ATF6B: variants seen among roughly 807,000 people sequenced by gnomAD.
ATF6B encodes activating transcription factor 6 beta.
In ATF6B, 50 loss-of-function variants were observed where a neutral mutation model predicts 83.5. That is an observed-to-expected ratio of 0.60 (90% CI 0.48 to 0.76). The LOEUF is 0.76. Ranked by LOEUF, ATF6B falls within the 30% of genes least tolerant of loss-of-function variation. The pLI, the probability that ATF6B is intolerant of heterozygous loss-of-function variation, is 0.00. For missense variants in ATF6B, 790 were observed against 893.8 expected, an observed-to-expected ratio of 0.88 and a Z score of 1.48; for synonymous variants, 344 against 362.8, an observed-to-expected ratio of 0.95 and a Z score of 0.59.
At position 32,118,967 on chromosome 6, in the gene ATF6B, G is replaced by A. The variant is rs1781643095; in HGVS notation, c.1141C>T (p.Leu381=). The A allele has an allele frequency of 3.1e-6, 5 of 1,614,014 alleles. No homozygotes were observed. Among genetic ancestry groups the A allele is most frequent in the Non-Finnish European group, 4.2e-6 (5 of 1,179,878 alleles). ...CAGACTGGTCTTACTTCAGCCAGCA[G>A]GGCCTCCAGCCGCCGCCGGAGGGCA... The part of the protein sequence containing the change: ...NAALRRRLEA[L]LAENSELKLG... The change falls in exon 10 of 18, where the codon CTG becomes TTG. Residue 381 remains leucine, a synonymous_variant. Coordinates refer to ENST00000375203, the MANE Select transcript of ATF6B (RefSeq NM_004381.5). The surrounding 1 kb of genome is among the most constrained non-coding windows in gnomAD (Gnocchi z 5.2).
In ATF6B at chr6:32,120,503, T is replaced by C. The variant is rs1254094537; in HGVS notation, c.832+268A>G. 2.8e-5 allele frequency: 8 copies of C among 282,232 alleles called. No individual in the cohort carries two copies. In the East Asian group the frequency reaches 4.9e-4, roughly 17 times the overall value. 17.5% of individuals were successfully genotyped at this position (282,232 alleles called of 1,614,324 possible). ...TCTCGCTTTGTCGCCCAGGCTGGAGTGCAGTGGCATGATCTCGGCTCACTG... is the reference window on the plus strand; with the variant it reads ...TCTCGCTTTGTCGCCCAGGCTGGAGCGCAGTGGCATGATCTCGGCTCACTG... On this transcript the variant is annotated intron_variant, in intron 8 of 17. Transcript: ENST00000375203.
chr6:32,116,318 A>C lies in ATF6B; in HGVS notation c.1882+162T>G, dbSNP rs1781527790. On this transcript the variant is annotated intron_variant, in intron 17 of 17. Transcript: ENST00000375203. This position sits in a 1 kb window ranked among gnomAD's most constrained non-coding sequence, Gnocchi z 5.1. Reference sequence around the variant, plus strand: ...GACCCTCACCCTTGTCTCCCTCCCAAGTCTCCTGCATGGTGCTCTTCCCTC... The same window carrying C: ...GACCCTCACCCTTGTCTCCCTCCCACGTCTCCTGCATGGTGCTCTTCCCTC... 6.6e-6 allele frequency among the ~76,000 whole-genome samples: 1 copy of C among 152,002 alleles called. No homozygotes were observed. The highest frequency in any genetic ancestry group is 2.1e-4 in the South Asian group (1 of 4,822).
intron 5 of ATF6B, 64 bp downstream of exon 5, chr6:32,126,053 A>G (rs986461563): frequency 3.8e-6 from 6 of 1,599,046 alleles, no homozygotes; most frequent in Admixed American, 1.7e-5. Flanking sequence ...ACACACATAC[A>G]CACACACACA....
At chr6:32,121,864 T>C (rs774174736) in intron 5 of ATF6B, among the ~76,000 whole-genome samples, 10 of 151,936 alleles carry the variant, frequency 6.6e-5, no homozygotes, top group Non-Finnish European at 1.2e-4. Flanking sequence ...TGCTTCCCTT[T>C]CTCCTTTAGT....
chr6:32,126,154 G>A lies in ATF6B; in HGVS notation c.441C>T (p.Val147=). 1.2e-6 allele frequency: 2 copies of A among 1,614,186 alleles called. No individual in the cohort carries two copies. Among genetic ancestry groups the A allele is most frequent in the Non-Finnish European group, 8.5e-7 (1 of 1,180,048 alleles). The change falls in exon 5 of 18, where the codon GTC becomes GTT. Residue 147 remains valine (V), a synonymous_variant. Coordinates refer to ENST00000375203, the MANE Select transcript of ATF6B (RefSeq NM_004381.5). ...CAGAGGTGGGGATAACGTTGATCTG[G>A]ACGGTTTCAAATGAGGATGTTGGGT... ...GDDPTSSFET[V]QINVIPTSDD... is the part of the protein sequence containing the mutation.
Position 32,117,551 on chromosome 6 carries a change from C to A in ATF6B, c.1532+36G>T. ...CTGACTGCAGAAGGCCTTGGGAGGC[C>A]GGGGGAGCTGGATGCCCCAGCAATG... On this transcript the variant is annotated intron_variant, in intron 13 of 17. Coordinates refer to ENST00000375203, the MANE Select transcript of ATF6B (RefSeq NM_004381.5). This position sits in a 1 kb window ranked among gnomAD's most constrained non-coding sequence, Gnocchi z 5.0. 6.2e-7 allele frequency: 1 copy of A among 1,606,980 alleles called. No homozygotes were observed. The highest frequency in any genetic ancestry group is 8.5e-7 in the Non-Finnish European group (1 of 1,175,306).
chr6:32,116,471 A>T lies in ATF6B; in HGVS notation c.1882+9T>A. On this transcript the variant is annotated intron_variant, in intron 17 of 17. Coordinates refer to ENST00000375203, the MANE Select transcript of ATF6B (RefSeq NM_004381.5). This position sits in a 1 kb window ranked among gnomAD's most constrained non-coding sequence, Gnocchi z 5.1. ...GAACTGCCCCCATACCCAGCAGGGA[A>T]AGAGTTACCATTGGGGGCCATGGCA... 1 of 1,609,036 alleles carries T rather than the reference A, an allele frequency of 6.2e-7. No homozygotes were observed. Among genetic ancestry groups the T allele is most frequent in the Non-Finnish European group, 8.5e-7 (1 of 1,176,928 alleles).
At position 32,117,526 on chromosome 6, in the gene ATF6B, C is replaced by T; in HGVS notation, c.1532+61G>A. On this transcript the variant is annotated intron_variant, in intron 13 of 17. Coordinates refer to ENST00000375203, the MANE Select transcript of ATF6B (RefSeq NM_004381.5). The surrounding 1 kb of genome is among the most constrained non-coding windows in gnomAD (Gnocchi z 5.0). ...CGCTTTAGTACACAGGCCAGCCAGG[C>T]TGACTGCAGAAGGCCTTGGGAGGCC... 1 of 1,596,576 alleles carries T rather than the reference C, an allele frequency of 6.3e-7. No homozygotes were observed. Among genetic ancestry groups the T allele is most frequent in the Non-Finnish European group, 8.6e-7 (1 of 1,167,824 alleles).
rs200957373 is a variant in ATF6B at position 32,117,316 on chromosome 6, G to A, written c.1614+7C>T. The A allele has an allele frequency of 3.7e-5, 59 of 1,612,914 alleles. No homozygotes were observed. The highest frequency in any genetic ancestry group is 4.5e-5 in the Non-Finnish European group (53 of 1,179,296). On this transcript the variant is annotated splice_region_variant and intron_variant, in intron 14 of 17. Transcript: ENST00000375203. The surrounding 1 kb of genome is among the most constrained non-coding windows in gnomAD (Gnocchi z 5.0). ...GTGGCCTTCCTTGAACCAGCCACCC[G>A]CCCTACCTGTCTCTCCTGGGCCCTC...
At position 32,118,735 on chromosome 6, in the gene ATF6B, C is replaced by A. The variant is rs1316779786; in HGVS notation, c.1244+40G>T. ...GGCAGCTAGGAGGCTGTAACGTGGG[C>A]TCCACCTGGAAGGTTCTAGTGAAGC... On this transcript the variant is annotated intron_variant, in intron 11 of 17. Transcript: ENST00000375203. The surrounding 1 kb of genome is among the most constrained non-coding windows in gnomAD (Gnocchi z 5.2). 3 of 1,598,230 alleles carry A rather than the reference C, an allele frequency of 1.9e-6. No individual in the cohort carries two copies. The highest frequency in any genetic ancestry group is 2.6e-6 in the Non-Finnish European group (3 of 1,165,862).
At chr6:32,127,220 T>A (rs753973910) in intron 3 of ATF6B, 26 bp from the exon 4 acceptor site, 1 of 1,581,722 alleles carries the variant, frequency 6.3e-7, no homozygotes. Flanking sequence ...TTAGAAATTA[T>A]CAGGAAGCAG....
rs1443362419 is a variant in ATF6B at position 32,125,296 on chromosome 6, T to C, written c.478+821A>G. On this transcript the variant is annotated intron_variant, in intron 5 of 17. Coordinates refer to ENST00000375203, the MANE Select transcript of ATF6B (RefSeq NM_004381.5). The surrounding 1 kb of genome is among the most constrained non-coding windows in gnomAD (Gnocchi z 4.1). ...TATCTGGCATGGAGTAGGTGCTTAA[T>C]AAATATTTCTTTTTTATAATTATTA... 6.6e-6 allele frequency among the ~76,000 whole-genome samples: 1 copy of C among 152,242 alleles called. No individual in the cohort carries two copies. Among genetic ancestry groups the C allele is most frequent in the East Asian group, 1.9e-4 (1 of 5,200 alleles).
chr6:32,120,698 G>A lies in ATF6B; in HGVS notation c.832+73C>T, dbSNP rs144251373. 70,905 of 1,538,130 alleles carry A rather than the reference G, an allele frequency of 0.046. 2,375 individuals are homozygous for A. Among genetic ancestry groups the A allele is most frequent in the Middle Eastern group, 0.087 (494 of 5,684 alleles). On this transcript the variant is annotated intron_variant, in intron 8 of 17. Transcript: ENST00000375203. ...ACTTCTGACCTCAGGTGATTCGCCCGCCTCAGCCTCCCAAAGTGCTGGGAT... is the reference window on the plus strand; with the variant it reads ...ACTTCTGACCTCAGGTGATTCGCCCACCTCAGCCTCCCAAAGTGCTGGGAT...
chr6:32,117,472 A>G lies in ATF6B; in HGVS notation c.1533-68T>C. The stretch of plus-strand genomic sequence containing the variant: ...ATTCCCACCCTCCTTGCCCACCCAC[A>G]GGAGTGAGGAGAGGGCAGGGAGCAC... On this transcript the variant is annotated intron_variant, in intron 13 of 17. Coordinates refer to ENST00000375203, the MANE Select transcript of ATF6B (RefSeq NM_004381.5). The surrounding 1 kb of genome is among the most constrained non-coding windows in gnomAD (Gnocchi z 5.0). The G allele has an allele frequency of 6.3e-7, 1 of 1,596,170 alleles. No homozygotes were observed. Among genetic ancestry groups the G allele is most frequent in the Non-Finnish European group, 8.6e-7 (1 of 1,167,370 alleles).
At position 32,126,117 on chromosome 6, in the gene ATF6B, C is replaced by G; in HGVS notation, c.478G>C (p.Asp160His). 2 of 1,614,058 alleles carry G rather than the reference C, an allele frequency of 1.2e-6. No individual in the cohort carries two copies. The highest frequency in any genetic ancestry group is 1.3e-5 in the African/African-American group (1 of 75,018). Reference sequence around the variant, plus strand: ...GATTGGGGGCAGGCTGTTTTATTACCTGAGGAATCATCAGAGGTGGGGATA... The same window carrying G: ...GATTGGGGGCAGGCTGTTTTATTACGTGAGGAATCATCAGAGGTGGGGATA... ...NVIPTSDDSSDVQTKIEPVSP... is the reference protein window; with the variant it reads ...NVIPTSDDSSHVQTKIEPVSP... Residue 160 changes from aspartate (D) to histidine (H), a missense_variant and splice_region_variant, in exon 5 of 18, where the codon GAT becomes CAT. This residue lies in a region of ATF6B where 253 missense variants were observed against 243.1 expected (regional missense o/e 1.04). Coordinates refer to ENST00000375203, the MANE Select transcript of ATF6B (RefSeq NM_004381.5).
Position 32,118,549 on chromosome 6 carries a change from T to C in ATF6B, c.1244+226A>G, listed in dbSNP as rs978381469. On this transcript the variant is annotated intron_variant, in intron 11 of 17. Transcript: ENST00000375203. This position sits in a 1 kb window ranked among gnomAD's most constrained non-coding sequence, Gnocchi z 5.2. ...AAGCAGAGGTTGCAGTGAGCCGAGA[T>C]CGTGCCACTGCACTCCAGCCTGGGC... is the stretch of plus-strand genomic sequence containing the variant. Among the ~76,000 whole-genome samples, 2 of 152,088 alleles carry C rather than the reference T, an allele frequency of 1.3e-5. No homozygotes were observed. Among genetic ancestry groups the C allele is most frequent in the African/African-American group, 2.4e-5 (1 of 41,378 alleles).
At position 32,118,701 on chromosome 6, in the gene ATF6B, G is replaced by T; in HGVS notation, c.1244+74C>A. The T allele has an allele frequency of 6.8e-7, 1 of 1,481,242 alleles. No homozygotes were observed. Among genetic ancestry groups the T allele is most frequent in the South Asian group, 1.1e-5 (1 of 87,086 alleles). The allele number at this position is 1,481,242 out of a possible 1,614,324, so 91.8% of individuals were successfully genotyped here. On this transcript the variant is annotated intron_variant, in intron 11 of 17. Transcript: ENST00000375203. The surrounding 1 kb of genome is among the most constrained non-coding windows in gnomAD (Gnocchi z 5.2). ...ATATAAGCAGAAGGAAATGGCCTGG[G>T]CCAAAGCAGGCAGCTAGGAGGCTGT... is the stretch of plus-strand genomic sequence containing the variant.
Position 32,127,437 on chromosome 6 carries a change from C to T in ATF6B, c.250+5G>A. The T allele has an allele frequency of 6.2e-7, 1 of 1,608,098 alleles. No homozygotes were observed. The highest frequency in any genetic ancestry group is 8.5e-7 in the Non-Finnish European group (1 of 1,176,444). ...AATCTGAGGGAACGACAAAGACTAC[C>T]TTACCTGGGAAGATCGGCAGGAGTT... On this transcript the variant is annotated splice_donor_5th_base_variant and intron_variant, in intron 3 of 17. Transcript: ENST00000375203.
rs369772040 is a variant in ATF6B, at chr6:32,120,983, C to T, written c.700+6G>A. On this transcript the variant is annotated splice_donor_region_variant and intron_variant, in intron 7 of 17. Coordinates refer to ENST00000375203, the MANE Select transcript of ATF6B (RefSeq NM_004381.5). Reference sequence around the variant, plus strand: ...AGGGATTCCAAGTGTCAGGAGACTCCATTACCTGAGGAGCCATCAAGGGAT... The same window carrying T: ...AGGGATTCCAAGTGTCAGGAGACTCTATTACCTGAGGAGCCATCAAGGGAT... The T allele has an allele frequency of 2.5e-5, 38 of 1,520,314 alleles. No individual in the cohort carries two copies. The African/African-American group carries it at 4.9e-4, about 19-fold the overall frequency. The allele number at this position is 1,520,314 out of a possible 1,614,324, so 94.2% of individuals were successfully genotyped here.
Sources: allele counts gnomAD v4.1 joint callset (sites outside exome capture counted in the v4.1 genomes callset), GRCh38; gene constraint gnomAD v4.1.1; regional missense constraint gnomAD v4.1.1; non-coding constraint Gnocchi (gnomAD v3.1); transcripts MANE v1.5; gene names NCBI Gene and HGNC (gene_info 2026-07-23, HGNC 2026-07-21).